The following ACACA variants were observed in gnomAD, a reference collection of about 807,000 sequenced individuals.
The protein encoded by ACACA is acetyl-CoA carboxylase 1.
Under a neutral mutation model 296.1 loss-of-function variants are expected in ACACA, and 103 were observed. That is an observed-to-expected ratio of 0.35 (90% confidence interval 0.30 to 0.41). The LOEUF is 0.41. ACACA is among the 10% of genes least tolerant of loss of function. The pLI is 1.00. For synonymous variants in ACACA, 953 were observed against 1,038.6 expected, an observed-to-expected ratio of 0.92 and a Z score of 1.58; for missense variants, 1,554 against 2,989.7, an observed-to-expected ratio of 0.52 and a Z score of 11.20.
At chr17:37,390,324 A>ATCTATATC (rs1268420298) in intron 1 of ACACA, among the ~76,000 whole-genome samples, 2 of 66,868 alleles carry the variant, frequency 3.0e-5, no homozygotes, top group Non-Finnish European at 4.9e-5. Context: ...ATATATATAT[A>ATCTATATC]TATATATATA....
intron 3 of ACACA, chr17:37,328,885 C>G: frequency 2.5e-6 from 1 of 398,480 alleles, no homozygotes; most frequent in Non-Finnish European, 4.4e-6. Context: ...TCAAATGAAT[C>G]GAAATCTCTG....
intron 1 of ACACA, chr17:37,385,988 C>CT: frequency 6.7e-7 from 1 of 1,483,460 alleles, no homozygotes; most frequent in Non-Finnish European, 9.2e-7. Context: ...AAAGTTTCAT[C>CT]TTTTCTACTT....
rs1044901080 is a variant in ACACA, at chr17:37,321,766, A to T, written c.338+8407T>A. ...CCATCTCAAAAAAATAAATAAATAA[A>T]TAATTAAAAAAAAATACAAATACAA... On this transcript the variant is annotated intron_variant, in intron 3 of 55. Transcript: ENST00000616317. 1.5e-4 allele frequency among the ~76,000 whole-genome samples: 23 copies of T among 151,294 alleles called. 1 individual carries two copies. Among genetic ancestry groups the T allele is most frequent in the South Asian group, 6.3e-4 (3 of 4,774 alleles).
intron 1 of ACACA, among the ~76,000 whole-genome samples, chr17:37,398,229 C>CAA (rs35921490): frequency 1.8e-3 from 118 of 65,056 alleles, no homozygotes; most frequent in Non-Finnish European, 2.3e-3. Context: ...GACTCTGTCT[C>CAA]AAAAAAAAAA....
At chr17:37,339,711 C>T (rs928813154) in intron 2 of ACACA, 93 bp downstream of exon 2, 23 of 832,362 alleles carry the variant, frequency 2.8e-5, no homozygotes, top group Admixed American at 1.0e-4. Context: ...TTGTGGAAGT[C>T]AACTTTTAAC....
intron 25 of ACACA, among the ~76,000 whole-genome samples, chr17:37,229,736 C>A (rs1249874502): frequency 2.0e-5 from 3 of 151,948 alleles, no homozygotes; most frequent in Non-Finnish European, 4.4e-5. Flanking sequence ...CAGGAAAAAA[C>A]AACAGTATGT....
Position 37,207,788 on chromosome 17 carries a change from G to A in ACACA, c.3720C>T (p.Ser1240=). The A allele has an allele frequency of 6.2e-7, 1 of 1,613,964 alleles. No homozygotes were observed. Among genetic ancestry groups the A allele is most frequent in the Non-Finnish European group, 8.5e-7 (1 of 1,179,870 alleles). Residue 1240 remains serine, a synonymous_variant, in exon 31 of 56, where the codon TCC becomes TCT. Transcript: ENST00000616317. ...NIPTLNRMSF[S]SNLNHYGMTH... ...TCATGCCATAGTGGTTGAGGTTGGAGGAGAAGGACATTCTAAATGGTAATT... is the reference window on the plus strand; with the variant it reads ...TCATGCCATAGTGGTTGAGGTTGGAAGAGAAGGACATTCTAAATGGTAATT...
chr17:37,323,180 C>T (rs55815734), intron 3 of ACACA, among the ~76,000 whole-genome samples: 5,611 of 152,380 alleles, frequency 0.037, 129 homozygotes, highest in Non-Finnish European at 0.054. Flanking sequence ...GGCTGTTGCA[C>T]CTGCCCATCT....
intron 12 of ACACA, 60 bp from the exon 13 acceptor site, chr17:37,258,433 G>T: frequency 6.6e-7 from 1 of 1,517,068 alleles, no homozygotes; most frequent in Non-Finnish European, 9.1e-7. Context: ...AAGTGTAGAG[G>T]CTATCAGATA....
chr17:37,125,735 G>C lies in ACACA; in HGVS notation c.6004C>G (p.Gln2002Glu). ...FDYGSFSEIM[Q>E]PWAQTVVVGR... ...ACCACCACAGTCTGTGCCCAGGGCT[G>C]CATAATCTCTGAGAAAGATCCATAG... The change falls in exon 48 of 56, where the codon CAG becomes GAG. Residue 2002 changes from glutamine (Q) to glutamate (E), a missense_variant. Around this residue, in one of 16 missense-constraint regions of ACACA, gnomAD observed 553 missense variants for 1,043.6 expected, o/e 0.53. Coordinates refer to ENST00000616317, the MANE Select transcript of ACACA (RefSeq NM_198834.3). 1 of 1,614,084 alleles carries C rather than the reference G, an allele frequency of 6.2e-7. No individual in the cohort carries two copies. Among genetic ancestry groups the C allele is most frequent in the South Asian group, 1.1e-5 (1 of 91,056 alleles).
chr17:37,238,859 G>T (rs922914022), intron 24 of ACACA, among the ~76,000 whole-genome samples: 3 of 152,094 alleles, frequency 2.0e-5, no homozygotes, highest in Non-Finnish European at 4.4e-5. Flanking sequence ...ACAGGGTCTT[G>T]CTCTGTTGCC....
intron 1 of ACACA, among the ~76,000 whole-genome samples, chr17:37,354,687 G>A (rs558679712): frequency 6.6e-6 from 1 of 152,110 alleles, no homozygotes; most frequent in South Asian, 2.1e-4. Context: ...CACTTTGGGA[G>A]GCTGAAGTCG....
chr17:37,261,271 G>C (rs971223000), intron 11 of ACACA, among the ~76,000 whole-genome samples: 1 of 152,162 alleles, frequency 6.6e-6, no homozygotes, highest in Non-Finnish European at 1.5e-5. Context: ...TGCTGCTTTA[G>C]TTTCAGCTGG....
chr17:37,111,849 G>A (rs2073988031), intron 51 of ACACA, among the ~76,000 whole-genome samples: 1 of 152,104 alleles, frequency 6.6e-6, no homozygotes, highest in African/African-American at 2.4e-5. Flanking sequence ...CTGGCAAAAA[G>A]CAATTAAAAT....
chr17:37,274,060 T>A, intron 9 of ACACA, 133 bp downstream of exon 9: 1 of 781,874 alleles, frequency 1.3e-6, no homozygotes, highest in Non-Finnish European at 2.3e-6. Flanking sequence ...TTCTATACTT[T>A]CAAACTACAC....
At chr17:37,319,274 T>C (rs2147101463) in intron 3 of ACACA, among the ~76,000 whole-genome samples, 1 of 152,244 alleles carries the variant, frequency 6.6e-6, no homozygotes, top group African/African-American at 2.4e-5. Context: ...GAATAGAGTG[T>C]GTATATTAAA....
chr17:37,243,931 C>T (rs2080552531), intron 21 of ACACA, among the ~76,000 whole-genome samples: 1 of 152,178 alleles, frequency 6.6e-6, no homozygotes, highest in African/African-American at 2.4e-5. Context: ...TCAGGCTGGT[C>T]TCAAACTCCT....
intron 41 of ACACA, among the ~76,000 whole-genome samples, chr17:37,167,846 T>A (rs57162180): frequency 5.3e-5 from 8 of 152,282 alleles, no homozygotes; most frequent in African/African-American, 1.9e-4. Flanking sequence ...TCTAATATGA[T>A]CTTTGTAACT....
chr17:37,265,528 GT>G (rs1308537017), intron 10 of ACACA, among the ~76,000 whole-genome samples: 2 of 152,112 alleles, frequency 1.3e-5, no homozygotes, highest in African/African-American at 4.8e-5. Flanking sequence ...AAGAAGACAA[GT>G]TATCTGGCCC....
Sources: gnomAD v4.1 joint callset for allele counts (sites outside exome capture counted in the v4.1 genomes callset) on GRCh38, gnomAD v4.1.1 for gene constraint, gnomAD v4.1.1 regional missense constraint, MANE v1.5 for transcripts, NCBI Gene and HGNC (gene_info 2026-07-23, HGNC 2026-07-21) for gene names.